Variants in DENND4C observed in about 807,000 individuals in gnomAD.
DENND4C encodes the protein DENN domain-containing protein 4C.
A neutral mutation model predicts 203.0 loss-of-function variants in DENND4C; 108 were observed. That is an observed-to-expected ratio of 0.53 (90% CI 0.46 to 0.62). The LOEUF is 0.62. Ranked by LOEUF, DENND4C falls within the 20% of genes least tolerant of loss-of-function variation. DENND4C has a pLI of 0.00. For synonymous variants in DENND4C, 871 were observed against 792.4 expected (o/e 1.10, Z -1.67); for missense variants, 2,481 against 2,301.2 (o/e 1.08, Z -1.60).
At position 19,231,296 on chromosome 9, in the gene DENND4C, G is replaced by A. The variant is rs548574999; in HGVS notation, c.-18+463G>A. 8.5e-5 allele frequency among the ~76,000 whole-genome samples: 13 copies of A among 152,244 alleles called. No homozygotes were observed. In the South Asian group the frequency reaches 2.1e-3, roughly 24 times the overall value. On this transcript the variant is annotated intron_variant, in intron 1 of 32. Transcript: ENST00000434457. Reference sequence around the variant, plus strand: ...GCGGGCAGTCTCGAGAGGAGTCGGGGGACTGAGAAGTGTCGGGGACAACGG... The same window carrying A: ...GCGGGCAGTCTCGAGAGGAGTCGGGAGACTGAGAAGTGTCGGGGACAACGG...
intron 30 of DENND4C, among the ~76,000 whole-genome samples, chr9:19,362,995 G>A (rs910775612): frequency 2.0e-5 from 3 of 152,160 alleles, no homozygotes; most frequent in African/African-American, 7.2e-5. Context: ...ACCACAGACT[G>A]GGTGGCTTTA....
intron 1 of DENND4C, among the ~76,000 whole-genome samples, chr9:19,262,073 GTTCTT>G (rs1829495980): frequency 1.4e-5 from 1 of 73,870 alleles, no homozygotes; most frequent in African/African-American, 4.5e-5. Context: ...GAATTTATTA[GTTCTT>G]TTTTTTTTTT....
chr9:19,259,852 G>A (rs1222067513), intron 1 of DENND4C, among the ~76,000 whole-genome samples: 2 of 152,122 alleles, frequency 1.3e-5, no homozygotes, highest in Non-Finnish European at 2.9e-5. Flanking sequence ...GAATAACTTA[G>A]GGTTGCTAAG....
chr9:19,315,362 A>G (rs1339055557), intron 10 of DENND4C, among the ~76,000 whole-genome samples: 3 of 151,838 alleles, frequency 2.0e-5, no homozygotes, highest in Non-Finnish European at 2.9e-5. Flanking sequence ...ACCCGTGAAG[A>G]TGTCCCCAAT....
chr9:19,269,316 A>G (rs540623220), intron 1 of DENND4C, among the ~76,000 whole-genome samples: 4 of 152,088 alleles, frequency 2.6e-5, no homozygotes, highest in Admixed American at 2.0e-4. Flanking sequence ...GCCCGCTACC[A>G]TGCCCGGCTA....
intron 8 of DENND4C, 53 bp from the exon 9 acceptor site, chr9:19,300,134 A>C: frequency 6.6e-7 from 1 of 1,506,796 alleles, no homozygotes; most frequent in Non-Finnish European, 9.0e-7. Context: ...AAATCTTAAC[A>C]TATTTCAGCA....
At chr9:19,330,442 C>T (rs1294514482) in intron 16 of DENND4C, among the ~76,000 whole-genome samples, 3 of 147,156 alleles carry the variant, frequency 2.0e-5, no homozygotes, top group Non-Finnish European at 3.0e-5. Context: ...CAGGTTCAAG[C>T]GATTCTCCTG....
At chr9:19,327,974 A>G in intron 15 of DENND4C, 56 bp from the exon 16 acceptor site, 1 of 1,487,520 alleles carries the variant, frequency 6.7e-7, no homozygotes, top group South Asian at 1.3e-5. Context: ...ACGCTGGAAT[A>G]ATATGAAGAG....
intron 10 of DENND4C, among the ~76,000 whole-genome samples, chr9:19,313,450 A>G (rs1403434445): frequency 6.6e-6 from 1 of 152,238 alleles, no homozygotes; most frequent in Non-Finnish European, 1.5e-5. Context: ...CACAGATAGT[A>G]AACGTCAGGG....
In DENND4C at chr9:19,360,441, C is replaced by A. The variant is rs766392873; in HGVS notation, c.5358C>A (p.Asn1786Lys). 6.2e-7 allele frequency: 1 copy of A among 1,614,148 alleles called. No homozygotes were observed. The highest frequency in any genetic ancestry group is 1.1e-5 in the South Asian group (1 of 91,078). Residue 1786 changes from asparagine (N) to lysine (K), a missense_variant, in exon 29 of 33, where the codon AAC (asparagine) becomes AAA (lysine). Around this residue, in one of 3 missense-constraint regions of DENND4C, gnomAD observed 2,289 missense variants for 2,113.3 expected, o/e 1.08. Coordinates refer to ENST00000434457, the MANE Select transcript of DENND4C (RefSeq NM_001330640.2). ...WYFRRLDLPS[N>K]LPGLILTSEH... ...TCAGACGTTTGGACCTTCCTAGTAA[C>A]TTGCCAGGACTTATCCTCACATCTG...
At position 19,298,101 on chromosome 9, in the gene DENND4C, A is replaced by G. The variant is rs1210322545; in HGVS notation, c.1086A>G (p.Gln362=). 3 of 1,610,560 alleles carry G rather than the reference A, an allele frequency of 1.9e-6. No individual in the cohort carries two copies. Among genetic ancestry groups the G allele is most frequent in the South Asian group, 1.1e-5 (1 of 89,994 alleles). ...AAAACATCCCTTTTCCTTCACCACA[A>G]AGACCGAGAATCCTTGTCCAGGTAA... is the stretch of plus-strand genomic sequence containing the variant. ...FMQNIPFPSP[Q]RPRILVQLSV... is the part of the protein sequence containing the mutation. Residue 362 remains glutamine (Q), a synonymous_variant, in exon 7 of 33, where the codon CAA becomes CAG. Transcript: ENST00000434457.
Position 19,352,482 on chromosome 9 carries a change from G to A in DENND4C, c.4606-8G>A, listed in dbSNP as rs371558310. 8.7e-5 allele frequency: 135 copies of A among 1,556,708 alleles called. 1 individual carries two copies. The African/African-American group carries it at 1.7e-3, about 20-fold the overall frequency. On this transcript the variant is annotated splice_polypyrimidine_tract_variant and splice_region_variant and intron_variant, in intron 25 of 32. Transcript: ENST00000434457. ...ACGTTCTCAGTGTCTGCATTTTTCT[G>A]TTTTTAGGTTTTGATGTCCAGTTGT...
In DENND4C at chr9:19,358,038, C is replaced by T. The variant is rs143290383; in HGVS notation, c.5038C>T (p.Arg1680Ter). Residue 1680 changes from arginine to a stop codon, truncating the protein, a stop_gained, in exon 28 of 33, where the codon CGA becomes TGA. Transcript: ENST00000434457. LOFTEE classifies it high-confidence loss of function. This position sits in a 1 kb window ranked among gnomAD's most constrained non-coding sequence, Gnocchi z 4.8. ...ISSVPNSLSK[R>*]NVSLTRSHSV... is the part of the protein sequence containing the mutation. ...ATCTGTGCCTAATAGTTTATCAAAG[C>T]GAAATGTGTCTTTGACTCGAAGTCA... The T allele has an allele frequency of 6.2e-7, 1 of 1,613,720 alleles. No individual in the cohort carries two copies. Among genetic ancestry groups the T allele is most frequent in the East Asian group, 2.2e-5 (1 of 44,874 alleles).
At chr9:19,235,268 A>G (rs1463962381) in intron 1 of DENND4C, among the ~76,000 whole-genome samples, 1 of 152,148 alleles carries the variant, frequency 6.6e-6, no homozygotes, top group African/African-American at 2.4e-5. Context: ...CCTAGCCGAA[A>G]GTCGACTTTC....
Position 19,346,475 on chromosome 9 carries a change from G to A in DENND4C, c.3706G>A (p.Gly1236Ser). The A allele has an allele frequency of 6.2e-7, 1 of 1,614,078 alleles. No individual in the cohort carries two copies. The highest frequency in any genetic ancestry group is 8.5e-7 in the Non-Finnish European group (1 of 1,180,016). Residue 1236 changes from glycine to serine, a missense_variant, in exon 23 of 33, where the codon GGT becomes AGT. Around this residue, in one of 3 missense-constraint regions of DENND4C, gnomAD observed 2,289 missense variants for 2,113.3 expected, o/e 1.08. Coordinates refer to ENST00000434457, the MANE Select transcript of DENND4C (RefSeq NM_001330640.2). ...GAGGAATAAGAGAAGTAGTTTATATGGTATTGCTAAGGTGGTTCAGAGGGA... is the reference window on the plus strand; with the variant it reads ...GAGGAATAAGAGAAGTAGTTTATATAGTATTGCTAAGGTGGTTCAGAGGGA... ...DLRNKRSSLY[G>S]IAKVVQREDV...
chr9:19,257,031 C>G (rs1763162497), intron 1 of DENND4C, among the ~76,000 whole-genome samples: 1 of 149,524 alleles, frequency 6.7e-6, no homozygotes, highest in Non-Finnish European at 1.5e-5. Context: ...GATCACGCCA[C>G]TGTACTCCAG....
At chr9:19,326,931 A>C (rs1208683311) in intron 15 of DENND4C, among the ~76,000 whole-genome samples, 1 of 152,024 alleles carries the variant, frequency 6.6e-6, no homozygotes, top group Non-Finnish European at 1.5e-5. Flanking sequence ...AGCCTCATGG[A>C]TTTGTTTGTA....
chr9:19,274,273 A>G (rs914294650), intron 1 of DENND4C, among the ~76,000 whole-genome samples: 1 of 151,990 alleles, frequency 6.6e-6, no homozygotes, highest in Middle Eastern at 3.4e-3. Flanking sequence ...GAACAAGAAA[A>G]TTTTGATGTT....
At chr9:19,312,288 A>G (rs4977296) in intron 10 of DENND4C, among the ~76,000 whole-genome samples, 76,355 of 151,874 alleles carry the variant, frequency 0.5, 19,963 homozygotes, top group South Asian at 0.61. Context: ...TTTTTTGTAG[A>G]GATGGGGTTT....
Sources: allele counts gnomAD v4.1 joint callset (sites outside exome capture counted in the v4.1 genomes callset), GRCh38; gene constraint gnomAD v4.1.1; regional missense constraint gnomAD v4.1.1; non-coding constraint Gnocchi (gnomAD v3.1); transcripts MANE v1.5; gene names NCBI Gene and HGNC (gene_info 2026-07-23, HGNC 2026-07-21).